The following ACTN1 variants were observed in gnomAD, a reference collection of about 807,000 sequenced individuals.
The protein encoded by ACTN1 is actinin alpha 1, also known as alpha-actinin-1.
Under a neutral mutation model 119.6 loss-of-function variants are expected in ACTN1, and 30 were observed. That is an observed-to-expected ratio of 0.25 (90% CI 0.19 to 0.34). ACTN1 has a LOEUF of 0.34. Among genes scored for constraint, ACTN1 ranks in the 10% least tolerant of loss-of-function variants. The pLI is 1.00. For synonymous variants in ACTN1, 429 were observed against 472.6 expected, an observed-to-expected ratio of 0.91 and a Z score of 1.20; for missense variants, 764 against 1,223.4, an observed-to-expected ratio of 0.62 and a Z score of 5.60.
At position 68,874,613 on chromosome 14, in the gene ACTN1, GA is replaced by G. The variant is rs941263059; in HGVS notation, c.*245del. On this transcript the variant is annotated 3_prime_UTR_variant, in exon 22 of 22. Coordinates refer to ENST00000394419, the MANE Select transcript of ACTN1 (RefSeq NM_001130004.2). ...TCTTTTTTTCCATTTGTCTGGTGGA[GA>G]AAAAATACTTTTTCTATAATAAAAT... The G allele has an allele frequency of 2.4e-4, 86 of 364,596 alleles. No individual in the cohort carries two copies. Among genetic ancestry groups the G allele is most frequent in the African/African-American group, 1.6e-3 (79 of 48,068 alleles). The allele number at this position is 364,596 out of a possible 1,614,324, so 22.6% of individuals were successfully genotyped here.
intron 1 of ACTN1, among the ~76,000 whole-genome samples, chr14:68,969,259 C>A (rs2036802222): frequency 6.6e-6 from 1 of 152,202 alleles, no homozygotes; most frequent in Admixed American, 6.5e-5. Context: ...TAATAAGAGG[C>A]CTCAGGACTT....
intron 1 of ACTN1, among the ~76,000 whole-genome samples, chr14:68,958,311 T>C (rs560930559): frequency 1.1e-4 from 17 of 152,266 alleles, no homozygotes; most frequent in South Asian, 6.2e-4. Flanking sequence ...CCCATGCACC[T>C]AGACAGACTA....
intron 1 of ACTN1, among the ~76,000 whole-genome samples, chr14:68,940,385 G>A (rs560913181): frequency 1.6e-4 from 24 of 152,208 alleles, no homozygotes; most frequent in African/African-American, 5.5e-4. Flanking sequence ...GCAGACTCTG[G>A]CCCCTAACTT....
rs766033427 is a variant in ACTN1, at chr14:68,912,163, G to T, written c.420C>A (p.Ser140=). 6.2e-7 allele frequency: 1 copy of T among 1,614,054 alleles called. No individual in the cohort carries two copies. The highest frequency in any genetic ancestry group is 1.1e-5 in the South Asian group (1 of 91,068). ...AACAAAGCAGAAACCCACCTTCCAC[G>T]GAGATGTCCTGGATGGCAAAGCGCA... ...IILRFAIQDI[S]VEETSAKEGL... is the part of the protein sequence containing the mutation. The change falls in exon 4 of 22, where the codon TCC becomes TCA. Residue 140 remains serine (S), a synonymous_variant. Transcript: ENST00000394419.
At chr14:68,888,020 G>A (rs2032165929) in intron 11 of ACTN1, 8 of 742,102 alleles carry the variant, frequency 1.1e-5, no homozygotes, top group Non-Finnish European at 1.8e-5. Flanking sequence ...TGACAACCGC[G>A]CCGATCTCCT....
Position 68,879,326 on chromosome 14 carries a change from C to T in ACTN1, c.2281-257G>A, listed in dbSNP as rs1056941030. ...CAGGACCACAGTGGGGTGTGATGAG[C>T]CACAAGGGTGAGAAGCTCCCTCAGA... On this transcript the variant is annotated intron_variant, in intron 18 of 21. Coordinates refer to ENST00000394419, the MANE Select transcript of ACTN1 (RefSeq NM_001130004.2). The surrounding 1 kb of genome is among the most constrained non-coding windows in gnomAD (Gnocchi z 4.9). Among the ~76,000 whole-genome samples the T allele has an allele frequency of 2.0e-5, 3 of 152,024 alleles. No individual in the cohort carries two copies. Among genetic ancestry groups the T allele is most frequent in the African/African-American group, 7.2e-5 (3 of 41,394 alleles).
intron 10 of ACTN1, 57 bp from the exon 11 acceptor site, chr14:68,890,343 C>T (rs975960250): frequency 4.9e-5 from 78 of 1,594,456 alleles, no homozygotes; most frequent in Non-Finnish European, 6.5e-5. Context: ...CTTCAGGTCC[C>T]CTAGCCCCCT....
rs374998621 is a variant in ACTN1, at chr14:68,978,103, G to A, written c.105+849C>T. 9.9e-5 allele frequency: 45 copies of A among 455,056 alleles called. No individual in the cohort carries two copies. The East Asian group carries it at 1.4e-3, about 14-fold the overall frequency. 28.2% of individuals were successfully genotyped at this position (455,056 alleles called of 1,614,324 possible). ...GCGGGGCGCGCACCCGGCACACCGC[G>A]CCTGCCTGGGATGCAGCTCCGTGGC... On this transcript the variant is annotated intron_variant, in intron 1 of 21. Transcript: ENST00000394419.
intron 6 of ACTN1, among the ~76,000 whole-genome samples, chr14:68,908,352 T>C (rs1213840982): frequency 6.6e-6 from 1 of 152,150 alleles, no homozygotes; most frequent in Non-Finnish European, 1.5e-5. Context: ...AAACCTCTCC[T>C]GGCCACTGAG....
At chr14:68,889,752 C>T (rs564527165) in intron 11 of ACTN1, among the ~76,000 whole-genome samples, 1 of 152,260 alleles carries the variant, frequency 6.6e-6, no homozygotes, top group South Asian at 2.1e-4. Context: ...CCATTGCATT[C>T]GATCCTGGCA....
In ACTN1 at chr14:68,892,233, G is replaced by A. The variant is rs202102201; in HGVS notation, c.906C>T (p.Pro302=). The A allele has an allele frequency of 6.9e-5, 112 of 1,614,074 alleles. No homozygotes were observed. The East Asian group carries it at 1.6e-3, about 23-fold the overall frequency. Residue 302 remains proline, a synonymous_variant, in exon 10 of 22, where the codon CCC becomes CCT. Transcript: ENST00000394419. ...RTIPWLENRV[P]ENTMHAMQQK... ...GTTGCATGGCATGCATGGTGTTCTC[G>A]GGCACCCGGTTCTCCAGCCACGGGA...
intron 1 of ACTN1, among the ~76,000 whole-genome samples, chr14:68,937,044 G>A (rs2035560863): frequency 1.3e-5 from 2 of 152,140 alleles, no homozygotes; most frequent in South Asian, 2.1e-4. Flanking sequence ...TCTCGCTCTT[G>A]TATGCCTCCT....
chr14:68,921,003 T>C lies in ACTN1; in HGVS notation c.340+3A>G. On this transcript the variant is annotated splice_donor_region_variant and intron_variant, in intron 3 of 21. Transcript: ENST00000394419. Reference sequence around the variant, plus strand: ...CCTTGGGGCCACCAGAGGTAGGCCTTACCTTCGGCTCCGATGGACACCAGT... The same window carrying C: ...CCTTGGGGCCACCAGAGGTAGGCCTCACCTTCGGCTCCGATGGACACCAGT... The C allele has an allele frequency of 6.2e-7, 1 of 1,613,990 alleles. No homozygotes were observed. The highest frequency in any genetic ancestry group is 1.7e-5 in the Admixed American group (1 of 60,002).
Position 68,979,003 on chromosome 14 carries a change from G to A in ACTN1, c.54C>T (p.Asp18=), listed in dbSNP as rs922566613. The A allele has an allele frequency of 2.5e-6, 4 of 1,604,524 alleles. No individual in the cohort carries two copies. The highest frequency in any genetic ancestry group is 2.6e-6 in the Non-Finnish European group (3 of 1,175,208). The change falls in exon 1 of 22, where the codon GAC becomes GAT. Residue 18 remains aspartate, a synonymous_variant. Coordinates refer to ENST00000394419, the MANE Select transcript of ACTN1 (RefSeq NM_001130004.2). ...GGTCCAGGAGCAGGTCCCGGTCCCA[G>A]TCCTCTTCTGGCTGCATGTAATCGT... is the stretch of plus-strand genomic sequence containing the variant. ...QTNDYMQPEE[D]WDRDLLLDPA...
At chr14:68,884,933 G>T (rs768669587) in intron 12 of ACTN1, 50 bp from the exon 13 acceptor site, 3 of 1,452,344 alleles carry the variant, frequency 2.1e-6, no homozygotes, top group South Asian at 1.1e-5. Context: ...TAATTTCATG[G>T]CCCATCTCCC....
At chr14:68,886,198 T>C (rs1327394562) in intron 11 of ACTN1, 7 of 152,288 alleles carry the variant, frequency 4.6e-5, no homozygotes, top group Admixed American at 3.3e-4. Context: ...CCAGCTGCCT[T>C]GTGAAGTTGA....
intron 1 of ACTN1, among the ~76,000 whole-genome samples, chr14:68,929,527 C>T (rs2140415743): frequency 6.6e-6 from 1 of 152,340 alleles, no homozygotes; most frequent in African/African-American, 2.4e-5. Context: ...TTCAAGTCAC[C>T]TCCTTGGGCC....
At chr14:68,904,847 C>T in intron 6 of ACTN1, 111 bp from the exon 7 acceptor site, 1 of 830,730 alleles carries the variant, frequency 1.2e-6, no homozygotes, top group Admixed American at 1.9e-5. Flanking sequence ...TTTCTCCCAG[C>T]CCCAGCTCGA....
chr14:68,904,180 A>G (rs1490387759), intron 7 of ACTN1, among the ~76,000 whole-genome samples: 1 of 152,010 alleles, frequency 6.6e-6, no homozygotes, highest in African/African-American at 2.4e-5. Context: ...GAAGGAAGCC[A>G]GGGTTACAGA....
Sources: allele counts gnomAD v4.1 joint callset (sites outside exome capture counted in the v4.1 genomes callset), GRCh38; gene constraint gnomAD v4.1.1; non-coding constraint Gnocchi (gnomAD v3.1); transcripts MANE v1.5; gene names NCBI Gene and HGNC (gene_info 2026-07-23, HGNC 2026-07-21).